Variants in CNTLN observed in about 807,000 individuals in gnomAD.
CNTLN encodes the protein centlein, centrosomal protein.
Under a neutral mutation model 180.0 loss-of-function variants are expected in CNTLN, and 212 were observed. That is an observed-to-expected ratio of 1.18 (90% CI 1.05 to 1.32). The LOEUF (loss-of-function observed/expected upper bound fraction) is 1.32. Among genes scored for constraint, CNTLN ranks in the 40% most tolerant of loss-of-function variants. The pLI, the probability that CNTLN is intolerant of heterozygous loss-of-function variation, is 0.00. For synonymous variants in CNTLN, 722 were observed against 563.1 expected (o/e 1.28, Z -3.99); for missense variants, 2,095 against 1,610.9 (o/e 1.30, Z -5.14).
chr9:17,302,089 T>C (rs1366919912), intron 7 of CNTLN: 1 of 926,932 alleles, frequency 1.1e-6, no homozygotes, highest in Non-Finnish European at 1.3e-6. Flanking sequence ...CACATATGTG[T>C]ACACACACAC....
At chr9:17,343,213 A>G (rs1821623222) in intron 12 of CNTLN, among the ~76,000 whole-genome samples, 1 of 152,224 alleles carries the variant, frequency 6.6e-6, no homozygotes, top group South Asian at 2.1e-4. Flanking sequence ...ACATTTATTT[A>G]TTTAATTTTA....
intron 8 of CNTLN, among the ~76,000 whole-genome samples, chr9:17,322,144 A>G (rs2133046335): frequency 6.6e-6 from 1 of 152,222 alleles, no homozygotes; most frequent in East Asian, 1.9e-4. Flanking sequence ...GTATATGTAG[A>G]TATGACCACA....
intron 23 of CNTLN, among the ~76,000 whole-genome samples, chr9:17,470,492 A>G (rs940461192): frequency 6.6e-6 from 1 of 151,864 alleles, no homozygotes; most frequent in Non-Finnish European, 1.5e-5. Flanking sequence ...TCATTTATTC[A>G]TAGGGCGCAA....
the CNTLN span, among the ~76,000 whole-genome samples, chr9:17,514,606 A>T: frequency 3.3e-5 from 5 of 152,330 alleles, no homozygotes; most frequent in East Asian, 9.7e-4. Context: ...TAAGTATTCT[A>T]AGTAAAAATA....
chr9:17,416,011 G>A lies in CNTLN; in HGVS notation c.2936G>A (p.Ser979Asn), dbSNP rs1828209769. ...YKNITAQKSS[S>N]NIILLRERII... is the part of the protein sequence containing the mutation. ...AATATAACTGCCCAGAAATCAAGTA[G>A]CAATATTATTTTATTACGAGAACGG... is the stretch of plus-strand genomic sequence containing the variant. Residue 979 changes from serine to asparagine, a missense_variant, in exon 18 of 26, where the codon AGC (serine) becomes AAC (asparagine). Transcript: ENST00000380647. The A allele has an allele frequency of 6.2e-7, 1 of 1,612,896 alleles. No individual in the cohort carries two copies. The highest frequency in any genetic ancestry group is 8.5e-7 in the Non-Finnish European group (1 of 1,179,622).
At chr9:17,513,289 T>A in the CNTLN span, among the ~76,000 whole-genome samples, 1 of 151,608 alleles carries the variant, frequency 6.6e-6, no homozygotes, top group Non-Finnish European at 1.5e-5. Context: ...TTTTTTTTTT[T>A]AATCCAAAAA....
At chr9:17,467,236 C>G (rs1241004426) in intron 23 of CNTLN, among the ~76,000 whole-genome samples, 3 of 151,490 alleles carry the variant, frequency 2.0e-5, no homozygotes, top group African/African-American at 7.3e-5. Context: ...CAACCAGAAA[C>G]TTGCTCAGTG....
chr9:17,274,376 C>G (rs977623693), intron 6 of CNTLN, among the ~76,000 whole-genome samples: 3 of 151,880 alleles, frequency 2.0e-5, no homozygotes, highest in Admixed American at 6.6e-5. Context: ...TATTAATTTA[C>G]TTTGTAATTA....
chr9:17,317,760 GC>G (rs1272871120), intron 8 of CNTLN, among the ~76,000 whole-genome samples: 1 of 152,164 alleles, frequency 6.6e-6, no homozygotes, highest in Non-Finnish European at 1.5e-5. Flanking sequence ...GAGAACAAAT[GC>G]AAAGCTCATG....
intron 6 of CNTLN, among the ~76,000 whole-genome samples, chr9:17,295,168 C>T (rs534678518): frequency 5.1e-4 from 78 of 152,122 alleles, no homozygotes; most frequent in Non-Finnish European, 8.2e-4. Flanking sequence ...TCTAGCTGGC[C>T]CGCAGGCGCT....
chr9:17,377,562 C>CA lies in CNTLN; in HGVS notation c.1988-10593dup, dbSNP rs918141640. ...TGGGTGAAGGAGCAAGACTCTGTGT[C>CA]AAAAAAACAAAAAACAAAAAACAAG... On this transcript the variant is annotated intron_variant, in intron 13 of 25. Transcript: ENST00000380647. Among the ~76,000 whole-genome samples, 27 of 151,000 alleles carry CA rather than the reference C, an allele frequency of 1.8e-4. No homozygotes were observed. The East Asian group carries it at 3.1e-3, about 17-fold the overall frequency.
chr9:17,202,651 T>TTTGTTTTTTG (rs1822621413), intron 2 of CNTLN, among the ~76,000 whole-genome samples: 1 of 106,148 alleles, frequency 9.4e-6, no homozygotes, highest in African/African-American at 4.3e-5. Flanking sequence ...CCTCTGTTTT[T>TTTGTTTTTTG]TTTTTTTTTT....
intron 2 of CNTLN, among the ~76,000 whole-genome samples, chr9:17,212,916 T>C (rs1423927270): frequency 6.6e-6 from 1 of 152,230 alleles, no homozygotes; most frequent in Admixed American, 6.5e-5. Context: ...TTTATCATTT[T>C]TTATTGCGTC....
At chr9:17,185,771 T>TTGTGTGTGTGTGTG (rs371473319) in intron 2 of CNTLN, among the ~76,000 whole-genome samples, 5,904 of 143,620 alleles carry the variant, frequency 0.041, 205 homozygotes, top group East Asian at 0.16. Context: ...TGTTTCCCAT[T>TTGTGTGTGTGTGTG]TGTGTGTGTG....
rs377637450 is a variant in CNTLN at position 17,484,320 on chromosome 9, A to T, written c.3881A>T (p.Asp1294Val). 5 of 1,601,338 alleles carry T rather than the reference A, an allele frequency of 3.1e-6. No individual in the cohort carries two copies. In the African/African-American group the frequency reaches 6.8e-5, roughly 22 times the overall value. The change falls in exon 24 of 26, where the codon GAT becomes GTT. Residue 1294 changes from aspartate (D) to valine (V), a missense_variant. Coordinates refer to ENST00000380647, the MANE Select transcript of CNTLN (RefSeq NM_017738.4). The part of the protein sequence containing the change: ...VKALAKELQN[D>V]VHVVRRQIRE... ...GCTTTGGCCAAAGAGTTGCAAAATG[A>T]TGTCCATGTGGTAAGGCGACAAATA... is the stretch of plus-strand genomic sequence containing the variant.
chr9:17,280,879 T>C (rs1163251906), intron 6 of CNTLN, among the ~76,000 whole-genome samples: 1 of 152,170 alleles, frequency 6.6e-6, no homozygotes, highest in East Asian at 1.9e-4. Flanking sequence ...GATGGAGTCA[T>C]TTGAACTGTA....
chr9:17,411,294 C>T (rs1195262071), intron 16 of CNTLN, among the ~76,000 whole-genome samples: 2 of 152,104 alleles, frequency 1.3e-5, no homozygotes, highest in African/African-American at 2.4e-5. Flanking sequence ...TGGAAAAGGC[C>T]AGCCTAGCAA....
At chr9:17,409,250 A>G in intron 15 of CNTLN, 43 bp from the exon 16 acceptor site, 1 of 1,571,372 alleles carries the variant, frequency 6.4e-7, no homozygotes, top group Non-Finnish European at 8.7e-7. Flanking sequence ...ACATGTAACA[A>G]CTTTTATTCT....
At chr9:17,311,040 T>A (rs1403356517) in intron 8 of CNTLN, among the ~76,000 whole-genome samples, 1 of 152,148 alleles carries the variant, frequency 6.6e-6, no homozygotes, top group African/African-American at 2.4e-5. Flanking sequence ...TCTTTTTTTT[T>A]TGAGACAGAG....
Sources: allele counts gnomAD v4.1 joint callset (sites outside exome capture counted in the v4.1 genomes callset), GRCh38; gene constraint gnomAD v4.1.1; transcripts MANE v1.5; gene names NCBI Gene and HGNC (gene_info 2026-07-23, HGNC 2026-07-21).